Variants in EEPD1 observed in about 807,000 individuals in gnomAD.
The protein encoded by EEPD1 is endonuclease/exonuclease/phosphatase family domain containing 1.
Under a neutral mutation model 46.3 loss-of-function variants are expected in EEPD1, and 17 were observed. That is an observed-to-expected ratio of 0.37 (90% CI 0.25 to 0.55). EEPD1 has a LOEUF of 0.55. Among genes scored for constraint, EEPD1 ranks in the 20% least tolerant of loss-of-function variants. The probability of loss-of-function intolerance (pLI) is 0.83; values close to 1 mark genes in which losing one functional copy is unlikely to be tolerated. For missense variants in EEPD1, 673 were observed against 745.6 expected, an observed-to-expected ratio of 0.90 and a Z score of 1.13; for synonymous variants, 313 against 315.6, an observed-to-expected ratio of 0.99 and a Z score of 0.09.
At chr7:36,290,879 T>C (rs1787418677) in intron 6 of EEPD1, among the ~76,000 whole-genome samples, 1 of 152,096 alleles carries the variant, frequency 6.6e-6, no homozygotes, top group Non-Finnish European at 1.5e-5. Flanking sequence ...CCAGCCCAGG[T>C]GGGTGGCTTT....
chr7:36,218,125 C>G (rs150114540), intron 2 of EEPD1, among the ~76,000 whole-genome samples: 2 of 152,110 alleles, frequency 1.3e-5, no homozygotes, highest in Non-Finnish European at 2.9e-5. Flanking sequence ...TTAAGAACTG[C>G]GTAACGGTCC....
chr7:36,290,473 A>G (rs1043055899), intron 6 of EEPD1, among the ~76,000 whole-genome samples: 2 of 152,172 alleles, frequency 1.3e-5, no homozygotes, highest in Non-Finnish European at 2.9e-5. Context: ...AAGGGTAGAC[A>G]AGTCAGCAGA....
chr7:36,297,057 C>T lies in EEPD1; in HGVS notation c.1380C>T (p.Ile460=), dbSNP rs1445558037. 6.2e-7 allele frequency: 1 copy of T among 1,614,242 alleles called. No homozygotes were observed. Among genetic ancestry groups the T allele is most frequent in the Non-Finnish European group, 8.5e-7 (1 of 1,180,050 alleles). The change falls in exon 7 of 8, where the codon ATC becomes ATT. Residue 460 remains isoleucine (I), a synonymous_variant. Coordinates refer to ENST00000242108, the MANE Select transcript of EEPD1 (RefSeq NM_030636.3). ...GQGPDSNDYD[I]LRKEKFHHLI... ...GGCCAGACAGCAATGACTATGATAT[C>T]CTGAGGAAAGAAAAGTTCCACCACC...
Position 36,297,010 on chromosome 7 carries a change from A to G in EEPD1, c.1333A>G (p.Ile445Val). The G allele has an allele frequency of 1.2e-6, 2 of 1,614,128 alleles. No homozygotes were observed. Among genetic ancestry groups the G allele is most frequent in the Non-Finnish European group, 1.7e-6 (2 of 1,180,030 alleles). ...ETLKGEKDVI[I>V]LGDFGQGPDS... ...ACTTCCAGGAGAAAAGGATGTCATTATCTTAGGGGATTTTGGCCAAGGGCC... is the reference window on the plus strand; with the variant it reads ...ACTTCCAGGAGAAAAGGATGTCATTGTCTTAGGGGATTTTGGCCAAGGGCC... The change falls in exon 7 of 8, where the codon ATC becomes GTC. Residue 445 changes from isoleucine (I) to valine (V), a missense_variant. Ile to Val is a conservative substitution (Grantham distance 29). Transcript: ENST00000242108.
Position 36,281,110 on chromosome 7 carries a change from T to C in EEPD1, c.931-5T>C. 1.2e-6 allele frequency: 2 copies of C among 1,613,952 alleles called. No homozygotes were observed. The highest frequency in any genetic ancestry group is 8.5e-7 in the Non-Finnish European group (1 of 1,179,994). On this transcript the variant is annotated splice_region_variant and splice_polypyrimidine_tract_variant and intron_variant, in intron 3 of 7. Coordinates refer to ENST00000242108, the MANE Select transcript of EEPD1 (RefSeq NM_030636.3). ...ACGCTTCTGACCTGTGCTCTGTCTT[T>C]GCAGTTCTGCACGGAGCTAAACCAG... is the stretch of plus-strand genomic sequence containing the variant.
At chr7:36,219,800 A>AGTGTGTGTGTGTGT (rs1476592033) in intron 2 of EEPD1, among the ~76,000 whole-genome samples, 7 of 66,608 alleles carry the variant, frequency 1.1e-4, no homozygotes, top group African/African-American at 2.5e-4. Flanking sequence ...AGAGAGAGAG[A>AGTGTGTGTGTGTGT]GAGAGAGTGT....
intron 3 of EEPD1, among the ~76,000 whole-genome samples, chr7:36,239,759 G>A (rs890239157): frequency 7.9e-5 from 12 of 152,022 alleles, no homozygotes; most frequent in East Asian, 1.9e-4. Flanking sequence ...GGCTGGGTGG[G>A]CACCAAGGAA....
intron 6 of EEPD1, among the ~76,000 whole-genome samples, chr7:36,296,677 G>T (rs924576893): frequency 6.8e-6 from 1 of 147,318 alleles, no homozygotes; most frequent in South Asian, 2.2e-4. Flanking sequence ...TTAAATATTT[G>T]GGTAAGACCC....
chr7:36,245,979 C>T (rs1041731001), intron 3 of EEPD1, among the ~76,000 whole-genome samples: 1 of 152,168 alleles, frequency 6.6e-6, no homozygotes, highest in South Asian at 2.1e-4. Context: ...AGTGGCATTT[C>T]ATAAAAGGAA....
intron 3 of EEPD1, among the ~76,000 whole-genome samples, chr7:36,270,266 A>G (rs953623905): frequency 6.6e-6 from 1 of 152,196 alleles, no homozygotes; most frequent in African/African-American, 2.4e-5. Context: ...TTTATAAATT[A>G]TCCTGCACTT....
intron 2 of EEPD1, among the ~76,000 whole-genome samples, chr7:36,164,481 G>A (rs547152473): frequency 1.2e-4 from 19 of 152,346 alleles, no homozygotes; most frequent in African/African-American, 4.1e-4. Flanking sequence ...GGACACTTTG[G>A]TAGGTCCCTT....
chr7:36,185,392 A>T (rs1029836570), intron 2 of EEPD1, among the ~76,000 whole-genome samples: 3 of 152,066 alleles, frequency 2.0e-5, no homozygotes, highest in African/African-American at 7.2e-5. Context: ...TTACTTATTC[A>T]TTCTGTGGTG....
At chr7:36,247,122 CAAAAAAAAA>C (rs35947069) in intron 3 of EEPD1, among the ~76,000 whole-genome samples, 1 of 107,232 alleles carries the variant, frequency 9.3e-6, no homozygotes, top group Non-Finnish European at 2.0e-5. Flanking sequence ...GACTCCATCT[CAAAAAAAAA>C]AAAAAAAAGA....
intron 2 of EEPD1, among the ~76,000 whole-genome samples, chr7:36,190,269 G>A (rs1236361246): frequency 6.6e-6 from 1 of 152,198 alleles, no homozygotes; most frequent in African/African-American, 2.4e-5. Flanking sequence ...CTACTTGGGA[G>A]GCTGAGACAG....
chr7:36,219,571 G>A (rs184440690), intron 2 of EEPD1, among the ~76,000 whole-genome samples: 2 of 144,342 alleles, frequency 1.4e-5, no homozygotes, highest in African/African-American at 5.2e-5. Context: ...GGAGGGGAGA[G>A]AGAAGGAAAG....
chr7:36,226,310 C>G (rs1466454585), intron 2 of EEPD1, among the ~76,000 whole-genome samples: 1 of 152,126 alleles, frequency 6.6e-6, no homozygotes, highest in Non-Finnish European at 1.5e-5. Context: ...GCCGCCATTC[C>G]GAGAGGCTTA....
At chr7:36,196,019 T>G (rs1004597012) in intron 2 of EEPD1, among the ~76,000 whole-genome samples, 1 of 152,244 alleles carries the variant, frequency 6.6e-6, no homozygotes, top group African/African-American at 2.4e-5. Flanking sequence ...CTATTGCTCC[T>G]AAGCTGCAAA....
At chr7:36,173,935 C>G (rs1785132129) in intron 2 of EEPD1, among the ~76,000 whole-genome samples, 2 of 152,150 alleles carry the variant, frequency 1.3e-5, no homozygotes, top group African/African-American at 4.8e-5. Flanking sequence ...GGGTCTGGGC[C>G]CTACAGGTCC....
chr7:36,288,125 C>A (rs1370442021), intron 6 of EEPD1, among the ~76,000 whole-genome samples: 1 of 152,184 alleles, frequency 6.6e-6, no homozygotes, highest in Admixed American at 6.5e-5. Context: ...GTGGTGCCGC[C>A]TGCAGATTTG....
Sources: gnomAD v4.1 joint callset for allele counts (sites outside exome capture counted in the v4.1 genomes callset) on GRCh38, gnomAD v4.1.1 for gene constraint, MANE v1.5 for transcripts, NCBI Gene and HGNC (gene_info 2026-07-23, HGNC 2026-07-21) for gene names.